PDE7A: variants seen among roughly 807,000 people sequenced by gnomAD.
The protein encoded by PDE7A is high affinity 3',5'-cyclic-AMP phosphodiesterase 7A.
In PDE7A, 39 loss-of-function variants were observed where a neutral mutation model predicts 64.3. The ratio of observed to expected loss-of-function variants is 0.61; its 90% CI spans 0.47 to 0.79. The LOEUF is 0.79. Ranked by LOEUF, PDE7A falls within the 30% of genes least tolerant of loss-of-function variation. The pLI, the probability that PDE7A is intolerant of heterozygous loss-of-function variation, is 0.00. For missense variants in PDE7A, 470 were observed against 582.8 expected (o/e 0.81, Z 1.99); for synonymous variants, 203 against 206.8 (o/e 0.98, Z 0.16).
At chr8:65,760,668 A>C (rs1442951732) in intron 3 of PDE7A, among the ~76,000 whole-genome samples, 1 of 152,216 alleles carries the variant, frequency 6.6e-6, no homozygotes, top group Non-Finnish European at 1.5e-5. Flanking sequence ...GGAAATTTTT[A>C]GTTTCTTCAT....
rs1397841060 is a variant in PDE7A at position 65,782,791 on chromosome 8, C to T, written c.191G>A (p.Arg64His). The T allele has an allele frequency of 1.9e-6, 3 of 1,567,964 alleles. No individual in the cohort carries two copies. The highest frequency in any genetic ancestry group is 1.7e-6 in the Non-Finnish European group (2 of 1,142,924). ...AAATAAATAATGCTTACCTAGCATA[C>T]GAATGTATAATGCAGTCTGATCAGA... The part of the protein sequence containing the change: ...DSSDQTALYI[R>H]MLGDVRVRSR... The change falls in exon 2 of 13, where the codon CGT becomes CAT. Residue 64 changes from arginine (R) to histidine (H), a missense_variant. Coordinates refer to ENST00000401827, the MANE Select transcript of PDE7A (RefSeq NM_001242318.3).
intron 1 of PDE7A, among the ~76,000 whole-genome samples, chr8:65,813,515 T>A (rs1464327015): frequency 6.6e-6 from 1 of 152,192 alleles, no homozygotes; most frequent in Non-Finnish European, 1.5e-5. Context: ...ATTGTAAATA[T>A]TGAAAATGAT....
intron 3 of PDE7A, among the ~76,000 whole-genome samples, chr8:65,774,777 A>C (rs2128922188): frequency 6.6e-6 from 1 of 152,198 alleles, no homozygotes; most frequent in South Asian, 2.1e-4. Context: ...ATTAAAAATA[A>C]CTATATTTTC....
intron 3 of PDE7A, among the ~76,000 whole-genome samples, chr8:65,751,979 G>C (rs1194601757): frequency 6.6e-6 from 1 of 152,124 alleles, no homozygotes; most frequent in African/African-American, 2.4e-5. Context: ...CTATCATACA[G>C]ATGAATCATA....
At chr8:65,771,560 CA>C (rs1427868035) in intron 3 of PDE7A, among the ~76,000 whole-genome samples, 1 of 152,078 alleles carries the variant, frequency 6.6e-6, no homozygotes, top group African/African-American at 2.4e-5. Flanking sequence ...GAGGATGGAT[CA>C]AAGAACAGAT....
chr8:65,719,557 A>T (rs1806289409), intron 12 of PDE7A, 62 bp from the exon 13 acceptor site: 2 of 1,087,814 alleles, frequency 1.8e-6, no homozygotes, highest in Non-Finnish European at 2.8e-6. Flanking sequence ...TTAAAACATC[A>T]TCTATACAAC....
intron 12 of PDE7A, among the ~76,000 whole-genome samples, chr8:65,720,896 CTG>C (rs1806348324): frequency 6.6e-6 from 1 of 152,206 alleles, no homozygotes; most frequent in African/African-American, 2.4e-5. Flanking sequence ...TCATAAGCCA[CTG>C]GAGTTATCTA....
At chr8:65,790,901 G>C (rs1809683202) in intron 1 of PDE7A, among the ~76,000 whole-genome samples, 1 of 152,218 alleles carries the variant, frequency 6.6e-6, no homozygotes, top group Non-Finnish European at 1.5e-5. Context: ...CAATGCTCCA[G>C]GGAAACACTG....
chr8:65,826,680 A>T lies in PDE7A; in HGVS notation c.138+14691T>A, dbSNP rs1810683675. ...ATTTGATTGAAAGAATGAACAAATA[A>T]ATTTGAAATAATCAAAACCATCTGT... On this transcript the variant is annotated intron_variant, in intron 1 of 12. Transcript: ENST00000401827. 2.0e-5 allele frequency among the ~76,000 whole-genome samples: 3 copies of T among 152,208 alleles called. No individual in the cohort carries two copies. The South Asian group carries it at 6.2e-4, about 31-fold the overall frequency.
At chr8:65,722,939 G>A (rs983399544) in intron 12 of PDE7A, 3 of 152,220 alleles carry the variant, frequency 2.0e-5, no homozygotes, top group Middle Eastern at 3.2e-3. Flanking sequence ...AAGCACTGGC[G>A]AGGCACAAAG....
At chr8:65,788,273 C>T (rs1346230935) in intron 1 of PDE7A, among the ~76,000 whole-genome samples, 2 of 152,040 alleles carry the variant, frequency 1.3e-5, no homozygotes, top group Non-Finnish European at 2.9e-5. Flanking sequence ...TAGTTTTAGA[C>T]CCTTCTCCAG....
intron 12 of PDE7A, chr8:65,721,962 G>A (rs1806397406): frequency 6.6e-6 from 1 of 151,934 alleles, no homozygotes; most frequent in South Asian, 2.1e-4. Context: ...GCTAATTTTT[G>A]TATTTTTAGT....
intron 1 of PDE7A, among the ~76,000 whole-genome samples, chr8:65,824,907 T>C (rs981234590): frequency 6.6e-6 from 1 of 152,196 alleles, no homozygotes; most frequent in Non-Finnish European, 1.5e-5. Context: ...ATCTGAGGTA[T>C]GCCTATAGAT....
rs568131115 is a variant in PDE7A, at chr8:65,717,582, G to A, written c.*1708C>T. Reference sequence around the variant, plus strand: ...AGCTCGGACTGAGTAAACATCTGAGGGATGAATTACAAGAGCCAAGAAGCT... The same window carrying A: ...AGCTCGGACTGAGTAAACATCTGAGAGATGAATTACAAGAGCCAAGAAGCT... On this transcript the variant is annotated 3_prime_UTR_variant, in exon 13 of 13. Coordinates refer to ENST00000401827, the MANE Select transcript of PDE7A (RefSeq NM_001242318.3). 7 of 152,196 alleles carry A rather than the reference G, an allele frequency of 4.6e-5. No individual in the cohort carries two copies. The highest frequency in any genetic ancestry group is 3.3e-4 in the Admixed American group (5 of 15,288). The allele number at this position is 152,196 out of a possible 1,614,324, so 9.4% of individuals were successfully genotyped here.
chr8:65,743,447 A>G (rs886624679), intron 5 of PDE7A, among the ~76,000 whole-genome samples: 1 of 152,224 alleles, frequency 6.6e-6, no homozygotes, highest in Non-Finnish European at 1.5e-5. Context: ...GGGGAGGAAT[A>G]AAAAGGCAGG....
At chr8:65,782,645 A>G in intron 2 of PDE7A, 138 bp downstream of exon 2, 1 of 573,308 alleles carries the variant, frequency 1.7e-6, no homozygotes, top group Non-Finnish European at 3.1e-6. Context: ...ATTGGTTTCC[A>G]GACTCTAAAC....
chr8:65,825,197 ACTT>A (rs1810642008), intron 1 of PDE7A, among the ~76,000 whole-genome samples: 1 of 152,192 alleles, frequency 6.6e-6, no homozygotes, highest in African/African-American at 2.4e-5. Flanking sequence ...GATGGTCTTT[ACTT>A]CTTTACATTT....
At chr8:65,751,994 A>G (rs1807992589) in intron 3 of PDE7A, among the ~76,000 whole-genome samples, 1 of 152,198 alleles carries the variant, frequency 6.6e-6, no homozygotes, top group African/African-American at 2.4e-5. Flanking sequence ...ATCATAATCT[A>G]TTTAGCCAGT....
At chr8:65,760,576 T>C (rs1226028529) in intron 3 of PDE7A, among the ~76,000 whole-genome samples, 1 of 152,164 alleles carries the variant, frequency 6.6e-6, no homozygotes, top group Non-Finnish European at 1.5e-5. Flanking sequence ...GTCCTAGAAT[T>C]GCTTCCAAAA....
Sources: gnomAD v4.1 joint callset for allele counts (sites outside exome capture counted in the v4.1 genomes callset) on GRCh38, gnomAD v4.1.1 for gene constraint, MANE v1.5 for transcripts, NCBI Gene and HGNC (gene_info 2026-07-23, HGNC 2026-07-21) for gene names.